Variants in RASSF6 observed in about 807,000 individuals in gnomAD.
RASSF6 encodes ras association domain-containing protein 6.
Under a neutral mutation model 44.0 loss-of-function variants are expected in RASSF6, and 52 were observed. The observed-to-expected ratio is 1.18, with a 90% CI of 0.95 to 1.49. The LOEUF (loss-of-function observed/expected upper bound fraction) is 1.49. Among genes scored for constraint, RASSF6 ranks in the 40% most tolerant of loss-of-function variants. The probability of loss-of-function intolerance (pLI) is 0.00; values close to 1 mark genes in which losing one functional copy is unlikely to be tolerated. For missense variants in RASSF6, 464 were observed against 393.3 expected, an observed-to-expected ratio of 1.18 and a Z score of -1.52; for synonymous variants, 162 against 124.6, an observed-to-expected ratio of 1.30 and a Z score of -2.00.
At chr4:73,586,929 A>T (rs1211876175) in intron 5 of RASSF6, among the ~76,000 whole-genome samples, 1 of 150,436 alleles carries the variant, frequency 6.6e-6, no homozygotes, top group Non-Finnish European at 1.5e-5. Context: ...AAAAAAGAGA[A>T]CAAACATTGC....
chr4:73,573,904 C>A lies in RASSF6; in HGVS notation c.*2331G>T, dbSNP rs1353183241. On this transcript the variant is annotated 3_prime_UTR_variant, in exon 11 of 11. Transcript: ENST00000307439. ...GTCAGTAGAGGGCGCTGGAGACACA[C>A]TGCAAGAGGAAGGGGTCTTTCCTGA... 2 of 152,266 alleles carry A rather than the reference C, an allele frequency of 1.3e-5. No individual in the cohort carries two copies. Among genetic ancestry groups the A allele is most frequent in the Non-Finnish European group, 2.9e-5 (2 of 68,094 alleles). 9.4% of individuals were successfully genotyped at this position (152,266 alleles called of 1,614,324 possible).
chr4:73,591,540 C>T (rs1044303642), intron 4 of RASSF6, among the ~76,000 whole-genome samples: 3 of 152,062 alleles, frequency 2.0e-5, no homozygotes, highest in African/African-American at 7.2e-5. Flanking sequence ...GAAAGCAGAG[C>T]CCAAGAGTAA....
At chr4:73,606,397 A>C (rs111929552) in intron 2 of RASSF6, among the ~76,000 whole-genome samples, 2 of 152,216 alleles carry the variant, frequency 1.3e-5, no homozygotes, top group African/African-American at 4.8e-5. Context: ...GGGAACAATG[A>C]GCACTGGGGA....
chr4:73,582,120 G>T, intron 7 of RASSF6, 69 bp downstream of exon 7: 1 of 775,552 alleles, frequency 1.3e-6, no homozygotes, highest in Non-Finnish European at 2.1e-6. Flanking sequence ...TTTCAGAAGA[G>T]TGGATTTGTG....
At chr4:73,599,961 G>A (rs1171057140) in intron 2 of RASSF6, among the ~76,000 whole-genome samples, 2 of 151,722 alleles carry the variant, frequency 1.3e-5, no homozygotes, top group Admixed American at 6.6e-5. Context: ...TTCTCATCTT[G>A]GGGCCTTTGC....
chr4:73,611,853 G>T (rs764423664), intron 1 of RASSF6, 24 bp from the exon 2 acceptor site: 3 of 1,452,810 alleles, frequency 2.1e-6, no homozygotes, highest in Non-Finnish European at 1.9e-6. Flanking sequence ...TAATATTAAT[G>T]ATTTGTTCCT....
intron 2 of RASSF6, among the ~76,000 whole-genome samples, chr4:73,607,399 C>G (rs1037564493): frequency 4.6e-5 from 7 of 152,184 alleles, no homozygotes; most frequent in Non-Finnish European, 8.8e-5. Flanking sequence ...GGATTTCTGG[C>G]AGATTTCCTG....
chr4:73,593,411 A>G (rs745365689), intron 4 of RASSF6, 40 bp downstream of exon 4: 4 of 1,572,372 alleles, frequency 2.5e-6, no homozygotes, highest in Middle Eastern at 1.7e-4. Flanking sequence ...AGATATGAAG[A>G]TCATCTTCTG....
At chr4:73,603,174 A>G (rs1013438693) in intron 2 of RASSF6, among the ~76,000 whole-genome samples, 9 of 152,238 alleles carry the variant, frequency 5.9e-5, no homozygotes, top group Non-Finnish European at 1.0e-4. Context: ...TTGATTTTCT[A>G]GGAAAGAGCC....
At chr4:73,587,623 A>G (rs1269463464) in intron 5 of RASSF6, among the ~76,000 whole-genome samples, 1 of 151,992 alleles carries the variant, frequency 6.6e-6, no homozygotes, top group Admixed American at 6.6e-5. Context: ...TAAGAATTAT[A>G]TTTTTATATA....
intron 2 of RASSF6, among the ~76,000 whole-genome samples, chr4:73,602,857 G>A (rs1725366983): frequency 2.0e-5 from 3 of 152,210 alleles, no homozygotes; most frequent in Admixed American, 1.3e-4. Context: ...GGGAGGCCAA[G>A]ATGGGCAGAT....
At chr4:73,577,818 T>C (rs1723334469) in intron 8 of RASSF6, among the ~76,000 whole-genome samples, 1 of 152,118 alleles carries the variant, frequency 6.6e-6, no homozygotes, top group African/African-American at 2.4e-5. Context: ...GATTAAAAAA[T>C]TATGATGATG....
chr4:73,605,419 A>G (rs1288310292), intron 2 of RASSF6, among the ~76,000 whole-genome samples: 1 of 152,154 alleles, frequency 6.6e-6, no homozygotes, highest in African/African-American at 2.4e-5. Flanking sequence ...TTTATCCTTT[A>G]TTCCTGTCCA....
Position 73,587,144 on chromosome 4 carries a change from T to C in RASSF6, c.382+696A>G, listed in dbSNP as rs567737229. 1.5e-3 allele frequency among the ~76,000 whole-genome samples: 230 copies of C among 152,152 alleles called. 5 individuals carry two copies. The South Asian group carries it at 0.043, about 29-fold the overall frequency. On this transcript the variant is annotated intron_variant, in intron 5 of 10. Coordinates refer to ENST00000307439, the MANE Select transcript of RASSF6 (RefSeq NM_177532.5). The stretch of plus-strand genomic sequence containing the variant: ...AAAAATTCATATAAAGTACAAAATA[T>C]TATGCCTGATACTTACCAGAGTCTC...
intron 2 of RASSF6, among the ~76,000 whole-genome samples, chr4:73,607,081 C>CA (rs1185466830): frequency 1.3e-5 from 2 of 152,094 alleles, no homozygotes; most frequent in Non-Finnish European, 2.9e-5. Context: ...TTACATTCAA[C>CA]AAAAAAATAA....
At chr4:73,586,620 A>T (rs1528915) in intron 5 of RASSF6, among the ~76,000 whole-genome samples, 42,170 of 151,774 alleles carry the variant, frequency 0.28, 6,097 homozygotes, top group Admixed American at 0.41. Flanking sequence ...GGATTTTAAA[A>T]AATTTTCTAC....
Position 73,571,949 on chromosome 4 carries a change from G to A in RASSF6, c.*4286C>T, listed in dbSNP as rs1284973183. The A allele has an allele frequency of 2.0e-5, 3 of 152,224 alleles. No homozygotes were observed. The East Asian group carries it at 5.8e-4, about 29-fold the overall frequency. 9.4% of individuals were successfully genotyped at this position (152,224 alleles called of 1,614,324 possible). ...TATTTTTTTCCCAGAAATTGTATGA[G>A]CTATACATTGCTATGTAACAAATTG... On this transcript the variant is annotated 3_prime_UTR_variant, in exon 11 of 11. Transcript: ENST00000307439.
In RASSF6 at chr4:73,589,933, C is replaced by T. The variant is rs550465040; in HGVS notation, c.288-1999G>A. ...ACTGTAAGTAAAAAAACACCACTGA[C>T]GTTATTCAAATGTACACCTGTCCAG... is the stretch of plus-strand genomic sequence containing the variant. On this transcript the variant is annotated intron_variant, in intron 4 of 10. Coordinates refer to ENST00000307439, the MANE Select transcript of RASSF6 (RefSeq NM_177532.5). 2.6e-3 allele frequency among the ~76,000 whole-genome samples: 390 copies of T among 152,278 alleles called. 1 individual carries two copies. The highest frequency in any genetic ancestry group is 9.1e-3 in the African/African-American group (380 of 41,552).
At chr4:73,590,149 G>T (rs1018056919) in intron 4 of RASSF6, among the ~76,000 whole-genome samples, 4 of 152,154 alleles carry the variant, frequency 2.6e-5, no homozygotes, top group African/African-American at 9.6e-5. Context: ...ACTGCCCATA[G>T]AATTGTTTCC....
Sources: allele counts gnomAD v4.1 joint callset (sites outside exome capture counted in the v4.1 genomes callset), GRCh38; gene constraint gnomAD v4.1.1; transcripts MANE v1.5; gene names NCBI Gene and HGNC (gene_info 2026-07-23, HGNC 2026-07-21).